ARFIP1: variants seen among roughly 807,000 people sequenced by gnomAD.
ARFIP1 encodes the protein ARF interacting protein 1.
Under a neutral mutation model 42.5 loss-of-function variants are expected in ARFIP1, and 24 were observed. That is an observed-to-expected ratio of 0.57 (90% CI 0.41 to 0.80). The LOEUF is 0.80. ARFIP1 is among the 30% of genes least tolerant of loss of function. The pLI is 0.00. For missense variants in ARFIP1, 354 were observed against 434.0 expected, an observed-to-expected ratio of 0.82 and a Z score of 1.64; for synonymous variants, 141 against 153.7, an observed-to-expected ratio of 0.92 and a Z score of 0.61.
At chr4:152,906,057 C>A (rs1478000682) in intron 8 of ARFIP1, among the ~76,000 whole-genome samples, 1 of 151,976 alleles carries the variant, frequency 6.6e-6, no homozygotes, top group Non-Finnish European at 1.5e-5. Context: ...TTAAGATTTT[C>A]TCTTATGTTT....
chr4:152,785,434 C>G (rs986920873), intron 1 of ARFIP1, among the ~76,000 whole-genome samples: 4 of 152,170 alleles, frequency 2.6e-5, no homozygotes. Flanking sequence ...GAAAGAGCCC[C>G]TGGGTTTAAG....
chr4:152,821,896 G>A (rs370442083), intron 1 of ARFIP1, among the ~76,000 whole-genome samples: 125 of 152,224 alleles, frequency 8.2e-4, no homozygotes, highest in East Asian at 5.0e-3. Context: ...GAGAAATAAA[G>A]TCTCAAGACA....
At chr4:152,803,848 G>T (rs7680002) in intron 1 of ARFIP1, among the ~76,000 whole-genome samples, 145,366 of 150,976 alleles carry the variant, frequency 0.96, 70,032 homozygotes, top group Non-Finnish European at 0.98. Context: ...TAAATTAAGA[G>T]GGGTGCTGCT....
intron 1 of ARFIP1, among the ~76,000 whole-genome samples, chr4:152,818,986 G>A (rs1341290983): frequency 2.0e-5 from 3 of 152,192 alleles, no homozygotes; most frequent in Non-Finnish European, 4.4e-5. Context: ...TGGGGAGCCA[G>A]AGAAAGGACT....
intron 4 of ARFIP1, among the ~76,000 whole-genome samples, 192 bp downstream of exon 4, chr4:152,871,040 T>G (rs926361097): frequency 2.0e-5 from 3 of 152,172 alleles, no homozygotes; most frequent in African/African-American, 7.2e-5. Context: ...TCAGAATAAT[T>G]CGGCTGTATC....
At chr4:152,825,598 C>T (rs1730769903) in intron 1 of ARFIP1, among the ~76,000 whole-genome samples, 1 of 152,108 alleles carries the variant, frequency 6.6e-6, no homozygotes, top group Non-Finnish European at 1.5e-5. Flanking sequence ...GGAAGAAAAC[C>T]TAGCAAAAAC....
At chr4:152,784,240 C>CT (rs1461319310) in intron 1 of ARFIP1, among the ~76,000 whole-genome samples, 1 of 152,162 alleles carries the variant, frequency 6.6e-6, no homozygotes, top group Non-Finnish European at 1.5e-5. Context: ...ATGAAAAAGA[C>CT]TATTGGCCTG....
chr4:152,791,502 T>G (rs1304549280), intron 1 of ARFIP1, among the ~76,000 whole-genome samples: 1 of 152,212 alleles, frequency 6.6e-6, no homozygotes, highest in African/African-American at 2.4e-5. Flanking sequence ...TTTCCAGGTT[T>G]TAAGCAATGT....
At chr4:152,901,528 G>A (rs939287812) in intron 8 of ARFIP1, among the ~76,000 whole-genome samples, 4 of 152,124 alleles carry the variant, frequency 2.6e-5, no homozygotes, top group African/African-American at 7.2e-5. Flanking sequence ...AGATGTTTAC[G>A]AAAGTTCTTC....
chr4:152,789,398 A>T (rs1338551425), intron 1 of ARFIP1, among the ~76,000 whole-genome samples: 3 of 152,114 alleles, frequency 2.0e-5, no homozygotes, highest in African/African-American at 7.2e-5. Flanking sequence ...CCAAGAATAC[A>T]AACTATTAAT....
chr4:152,846,494 G>A (rs1184635951), intron 2 of ARFIP1, among the ~76,000 whole-genome samples: 1 of 152,164 alleles, frequency 6.6e-6, no homozygotes, highest in East Asian at 1.9e-4. Context: ...TATTTCAGAA[G>A]CATCATTTGA....
At chr4:152,828,644 T>C (rs954582303) in intron 1 of ARFIP1, among the ~76,000 whole-genome samples, 3 of 152,248 alleles carry the variant, frequency 2.0e-5, no homozygotes, top group African/African-American at 7.2e-5. Flanking sequence ...GATGTGTTCT[T>C]TGCAAATACA....
At chr4:152,863,073 AGTTAG>A (rs1380935909) in intron 2 of ARFIP1, among the ~76,000 whole-genome samples, 1 of 152,198 alleles carries the variant, frequency 6.6e-6, no homozygotes, top group African/African-American at 2.4e-5. Flanking sequence ...GCTAATTTGC[AGTTAG>A]GTTAACTATT....
chr4:152,780,546 A>C (rs1006087446), intron 1 of ARFIP1, among the ~76,000 whole-genome samples: 3 of 152,202 alleles, frequency 2.0e-5, no homozygotes, highest in Non-Finnish European at 4.4e-5. Context: ...TTCTTGACAA[A>C]GTGTCGGAGT....
intron 8 of ARFIP1, among the ~76,000 whole-genome samples, chr4:152,904,196 A>AT (rs531633052): frequency 3.6e-4 from 32 of 88,024 alleles, no homozygotes; most frequent in African/African-American, 1.3e-3. Context: ...ATATATATAT[A>AT]TATTTTTTTT....
At chr4:152,838,116 A>G (rs943664147) in intron 2 of ARFIP1, among the ~76,000 whole-genome samples, 2 of 152,160 alleles carry the variant, frequency 1.3e-5, no homozygotes, top group African/African-American at 2.4e-5. Context: ...TGGGTTCTCT[A>G]TTCTGTTCCA....
chr4:152,797,164 G>A (rs1315459504), intron 1 of ARFIP1, among the ~76,000 whole-genome samples: 2 of 152,170 alleles, frequency 1.3e-5, no homozygotes, highest in East Asian at 1.9e-4. Flanking sequence ...ATGTGAGATA[G>A]AGATCGAATT....
chr4:152,802,147 C>T (rs1056407134), intron 1 of ARFIP1, among the ~76,000 whole-genome samples: 6 of 152,078 alleles, frequency 3.9e-5, no homozygotes, highest in African/African-American at 1.4e-4. Flanking sequence ...GAATTACTTT[C>T]TTTTTTCGTA....
At position 152,801,453 on chromosome 4, in the gene ARFIP1, A is replaced by C. The variant is rs538366695; in HGVS notation, c.-10+21227A>C. On this transcript the variant is annotated intron_variant, in intron 1 of 8. Coordinates refer to ENST00000353617, the MANE Select transcript of ARFIP1 (RefSeq NM_001025595.3). Reference sequence around the variant, plus strand: ...TGGAAAGGAATGTGGTTCAAGATGTAGCTAGCAGCTAGGATGGCTTTCCCT... The same window carrying C: ...TGGAAAGGAATGTGGTTCAAGATGTCGCTAGCAGCTAGGATGGCTTTCCCT... Among the ~76,000 whole-genome samples the C allele has an allele frequency of 2.6e-5, 4 of 152,316 alleles. No homozygotes were observed. In the South Asian group the frequency reaches 8.3e-4, roughly 32 times the overall value.
Sources: allele counts gnomAD v4.1 joint callset (sites outside exome capture counted in the v4.1 genomes callset), GRCh38; gene constraint gnomAD v4.1.1; transcripts MANE v1.5; gene names NCBI Gene and HGNC (gene_info 2026-07-23, HGNC 2026-07-21).